The following CSMD1 variants were observed in gnomAD, a reference collection of about 807,000 sequenced individuals.
The protein encoded by CSMD1 is CUB and Sushi multiple domains 1, also known as CUB and sushi domain-containing protein 1.
Under a neutral mutation model 417.5 loss-of-function variants are expected in CSMD1, and 213 were observed. The ratio of observed to expected loss-of-function variants is 0.51; its 90% CI spans 0.46 to 0.57. The LOEUF (loss-of-function observed/expected upper bound fraction) is 0.57, where lower values mean the gene tolerates loss of function less well. Among genes scored for constraint, CSMD1 ranks in the 20% least tolerant of loss-of-function variants. CSMD1 has a pLI of 0.00. For missense variants in CSMD1, 6,923 were observed against 4,529.7 expected, an observed-to-expected ratio of 1.53 and a Z score of -15.17; for synonymous variants, 2,862 against 1,736.8, an observed-to-expected ratio of 1.65 and a Z score of -16.11.
rs187860975 is a variant in CSMD1, at chr8:3,529,661, G to A, written c.1345-35935C>T. ...GTGTTTGCTTTGAGGAAGAGTATCA[G>A]CTTCTCAGAAGAGCTTACTAAGCAA... On this transcript the variant is annotated intron_variant, in intron 10 of 69. Transcript: ENST00000635120. Among the ~76,000 whole-genome samples the A allele has an allele frequency of 3.4e-3, 517 of 152,296 alleles. 1 individual carries two copies. The highest frequency in any genetic ancestry group is 0.02 in the Middle Eastern group (6 of 294).
chr8:4,458,661 G>C (rs1374846933), intron 2 of CSMD1, among the ~76,000 whole-genome samples: 1 of 152,094 alleles, frequency 6.6e-6, no homozygotes, highest in South Asian at 2.1e-4. Context: ...ATTCTCAAAG[G>C]TCCTTGTCTG....
At chr8:3,906,647 G>A (rs1163200233) in intron 5 of CSMD1, among the ~76,000 whole-genome samples, 1 of 143,394 alleles carries the variant, frequency 7.0e-6, no homozygotes, top group African/African-American at 2.6e-5. Flanking sequence ...TTTCAGATTT[G>A]CAAAGTACAC....
chr8:3,306,113 A>G (rs1290624043), intron 25 of CSMD1, among the ~76,000 whole-genome samples: 1 of 151,932 alleles, frequency 6.6e-6, no homozygotes, highest in Non-Finnish European at 1.5e-5. Context: ...TATAATATGC[A>G]TTTTCCTCAC....
chr8:3,572,260 A>T (rs1328821950), intron 10 of CSMD1, among the ~76,000 whole-genome samples: 1 of 152,194 alleles, frequency 6.6e-6, no homozygotes, highest in Non-Finnish European at 1.5e-5. Flanking sequence ...AGACTCCTGC[A>T]GGCTTTGCAA....
chr8:3,978,600 G>A (rs572324628), intron 5 of CSMD1, among the ~76,000 whole-genome samples: 1 of 152,170 alleles, frequency 6.6e-6, no homozygotes, highest in African/African-American at 2.4e-5. Flanking sequence ...AGGCATGTTG[G>A]GGGTAAATAA....
At chr8:3,452,594 G>C (rs575225003) in intron 12 of CSMD1, among the ~76,000 whole-genome samples, 8 of 152,234 alleles carry the variant, frequency 5.3e-5, no homozygotes, top group Non-Finnish European at 8.8e-5. Context: ...TTTGTCATTG[G>C]TTCTGTTTAT....
chr8:3,758,610 C>G (rs574582395), intron 5 of CSMD1, among the ~76,000 whole-genome samples: 221 of 152,296 alleles, frequency 1.5e-3, no homozygotes, highest in Non-Finnish European at 2.2e-3. Flanking sequence ...AAGATGATTA[C>G]TGTACAAATT....
intron 1 of CSMD1, among the ~76,000 whole-genome samples, chr8:4,977,737 T>C (rs1481016442): frequency 1.3e-5 from 2 of 152,140 alleles, no homozygotes; most frequent in African/African-American, 2.4e-5. Flanking sequence ...AGCTACAAAT[T>C]AGGTTGCAGG....
rs149277282 is a variant in CSMD1, at chr8:4,592,755, A to G, written c.302+44587T>C. Among the ~76,000 whole-genome samples, 541 of 152,280 alleles carry G rather than the reference A, an allele frequency of 3.6e-3. 1 individual carries two copies. The highest frequency in any genetic ancestry group is 6.2e-3 in the Admixed American group (95 of 15,292). ...ATGTGTGCTAAATTTTTATCTACGAATTTTAATATTTATACTTAGTTAAAA... is the reference window on the plus strand; with the variant it reads ...ATGTGTGCTAAATTTTTATCTACGAGTTTTAATATTTATACTTAGTTAAAA... On this transcript the variant is annotated intron_variant, in intron 2 of 69. Coordinates refer to ENST00000635120, the MANE Select transcript of CSMD1 (RefSeq NM_033225.6).
chr8:4,352,020 T>G lies in CSMD1; in HGVS notation c.415+67933A>C, dbSNP rs1343429497. 2.0e-5 allele frequency among the ~76,000 whole-genome samples: 3 copies of G among 151,716 alleles called. No individual in the cohort carries two copies. The South Asian group carries it at 6.2e-4, about 32-fold the overall frequency. ...GGTATGGAATTGACTAATGCAATGC[T>G]GATCGTTTAAGTTCATTGTGTCCCA... On this transcript the variant is annotated intron_variant, in intron 3 of 69. Transcript: ENST00000635120.
intron 12 of CSMD1, among the ~76,000 whole-genome samples, chr8:3,466,669 T>C (rs1213417356): frequency 1.3e-5 from 2 of 150,868 alleles, no homozygotes; most frequent in South Asian, 2.1e-4. Context: ...CCTTAAGTGA[T>C]CCGCCTGCCT....
chr8:3,744,116 ACCT>A (rs1563332785), intron 6 of CSMD1, among the ~76,000 whole-genome samples: 1 of 152,120 alleles, frequency 6.6e-6, no homozygotes, highest in Non-Finnish European at 1.5e-5. Context: ...TGGCAAGTAA[ACCT>A]CCTGAAATGA....
At chr8:4,386,779 T>G (rs1803483213) in intron 3 of CSMD1, among the ~76,000 whole-genome samples, 1 of 152,178 alleles carries the variant, frequency 6.6e-6, no homozygotes, top group Admixed American at 6.5e-5. Flanking sequence ...TTGGTTTCAG[T>G]TGAAGAGATA....
intron 2 of CSMD1, among the ~76,000 whole-genome samples, chr8:4,539,704 C>G (rs1031240734): frequency 6.6e-6 from 1 of 152,194 alleles, no homozygotes; most frequent in Admixed American, 6.5e-5. Flanking sequence ...AATATCCTAG[C>G]TCTATCCTTG....
At chr8:3,289,742 G>A (rs1336358252) in intron 25 of CSMD1, among the ~76,000 whole-genome samples, 2 of 147,160 alleles carry the variant, frequency 1.4e-5, no homozygotes, top group Non-Finnish European at 2.9e-5. Context: ...TGTCAGATGA[G>A]GAGGTTGCAA....
intron 3 of CSMD1, among the ~76,000 whole-genome samples, chr8:4,321,256 A>T (rs188972513): frequency 1.3e-3 from 199 of 152,222 alleles, no homozygotes; most frequent in Admixed American, 3.1e-3. Flanking sequence ...CCTGTGGCCC[A>T]CTGATCATCC....
chr8:3,949,724 G>A (rs376653853), intron 5 of CSMD1, among the ~76,000 whole-genome samples: 40 of 152,250 alleles, frequency 2.6e-4, no homozygotes, highest in African/African-American at 9.1e-4. Context: ...CATGGTATGA[G>A]CAATGGGGAC....
chr8:3,566,227 G>A (rs912773684), intron 10 of CSMD1, among the ~76,000 whole-genome samples: 1 of 151,914 alleles, frequency 6.6e-6, no homozygotes, highest in East Asian at 1.9e-4. Context: ...GAAGAGGAAG[G>A]GGATGAGAAA....
intron 7 of CSMD1, among the ~76,000 whole-genome samples, chr8:3,697,693 T>C (rs1228599276): frequency 6.6e-6 from 1 of 152,212 alleles, no homozygotes; most frequent in Non-Finnish European, 1.5e-5. Context: ...GATTGCCTCA[T>C]CCAATTACAT....
Sources: gnomAD v4.1 joint callset for allele counts (sites outside exome capture counted in the v4.1 genomes callset) on GRCh38, gnomAD v4.1.1 for gene constraint, MANE v1.5 for transcripts, NCBI Gene and HGNC (gene_info 2026-07-23, HGNC 2026-07-21) for gene names.